The following COL13A1 variants were observed in gnomAD, a reference collection of about 807,000 sequenced individuals.
COL13A1 encodes the protein collagen type XIII alpha 1 chain.
A neutral mutation model predicts 130.9 loss-of-function variants in COL13A1; 89 were observed. That is an observed-to-expected ratio of 0.68 (90% CI 0.57 to 0.81). The LOEUF is 0.81. COL13A1 is among the 30% of genes least tolerant of loss of function. The pLI, the probability that COL13A1 is intolerant of heterozygous loss-of-function variation, is 0.00. For synonymous variants in COL13A1, 402 were observed against 341.6 expected, an observed-to-expected ratio of 1.18 and a Z score of -1.95; for missense variants, 879 against 934.6, an observed-to-expected ratio of 0.94 and a Z score of 0.78.
At chr10:69,889,987 T>G (rs1225901832) in intron 10 of COL13A1, among the ~76,000 whole-genome samples, 1 of 151,964 alleles carries the variant, frequency 6.6e-6, no homozygotes, top group Non-Finnish European at 1.5e-5. Flanking sequence ...TCCTGGGAGT[T>G]TCTGTTTGGA....
In COL13A1 at chr10:69,867,748, G is replaced by T. The variant is rs779789322; in HGVS notation, c.365-50G>T. ...CTGCTTCCAAGGCGGCCTCCCCACC[G>T]CCCCCTACAGCAATGACACTGACCC... On this transcript the variant is annotated intron_variant, in intron 2 of 40. Transcript: ENST00000645393. 7.0e-6 allele frequency: 5 copies of T among 716,454 alleles called. No individual in the cohort carries two copies. The African/African-American group carries it at 8.8e-5, about 13-fold the overall frequency. The allele number at this position is 716,454 out of a possible 1,614,324, so 44.4% of individuals were successfully genotyped here. A position where few individuals can be genotyped will look rare whatever the true frequency, so the allele number is the denominator to read the frequency against.
intron 40 of COL13A1, among the ~76,000 whole-genome samples, chr10:69,958,341 A>G (rs1320967720): frequency 6.6e-6 from 1 of 152,238 alleles, no homozygotes; most frequent in Non-Finnish European, 1.5e-5. Context: ...GCCACTACCA[A>G]GAGCTGCAAT....
chr10:69,892,923 T>C (rs1263606281), intron 10 of COL13A1, among the ~76,000 whole-genome samples: 1 of 152,210 alleles, frequency 6.6e-6, no homozygotes, highest in Non-Finnish European at 1.5e-5. Flanking sequence ...TCCAAGTCTC[T>C]GCAGTCCTGA....
chr10:69,822,355 G>C lies in COL13A1; in HGVS notation c.295-14G>C, dbSNP rs1236835936. On this transcript the variant is annotated splice_polypyrimidine_tract_variant and intron_variant, in intron 1 of 40. Transcript: ENST00000645393. ...GAGCTCCTGGTGACTCCTCTTGTCT[G>C]TCTCCTTGTACAGAAATGGAAGCTC... 3 of 1,569,190 alleles carry C rather than the reference G, an allele frequency of 1.9e-6. No homozygotes were observed. Among genetic ancestry groups the C allele is most frequent in the Non-Finnish European group, 2.6e-6 (3 of 1,157,580 alleles).
At chr10:69,888,459 C>A in intron 9 of COL13A1, 129 bp downstream of exon 9, 1 of 1,319,294 alleles carries the variant, frequency 7.6e-7, no homozygotes, top group Non-Finnish European at 1.1e-6. Flanking sequence ...AAGGTTGTCA[C>A]TAGTGGGAAG....
intron 1 of COL13A1, among the ~76,000 whole-genome samples, chr10:69,810,346 A>AAGAGAGAGAGAGAGAGAGAGAGAGAGAG (rs1564723791): frequency 2.2e-4 from 16 of 71,202 alleles, no homozygotes; most frequent in African/African-American, 9.3e-4. Context: ...GGCCCTGAGA[A>AAGAGAGAGAGAGAGAGAGAGAGAGAGAG]TGAGAGAGAG....
intron 10 of COL13A1, 37 bp downstream of exon 10, chr10:69,889,477 G>C (rs2060949404): frequency 6.2e-7 from 1 of 1,605,852 alleles, no homozygotes; most frequent in South Asian, 1.1e-5. Context: ...CGAGATGGGT[G>C]GGGGTTGGCC....
intron 9 of COL13A1, among the ~76,000 whole-genome samples, chr10:69,889,034 T>C (rs2060889332): frequency 6.6e-6 from 1 of 152,200 alleles, no homozygotes; most frequent in Non-Finnish European, 1.5e-5. Flanking sequence ...ACTCCCCAAC[T>C]GCAGGCCAGC....
At chr10:69,870,348 T>G (rs978110040) in intron 3 of COL13A1, among the ~76,000 whole-genome samples, 2 of 151,646 alleles carry the variant, frequency 1.3e-5, no homozygotes, top group Admixed American at 1.3e-4. Flanking sequence ...GGTCTCACTC[T>G]CTCACCCAGG....
intron 2 of COL13A1, among the ~76,000 whole-genome samples, chr10:69,866,298 G>A (rs1314163115): frequency 6.6e-6 from 1 of 152,196 alleles, no homozygotes; most frequent in Non-Finnish European, 1.5e-5. Context: ...TGTCACTGGG[G>A]GCATCACCAG....
At chr10:69,864,973 T>C (rs1054750847) in intron 2 of COL13A1, among the ~76,000 whole-genome samples, 6 of 152,212 alleles carry the variant, frequency 3.9e-5, no homozygotes, top group African/African-American at 1.4e-4. Context: ...AACAGGTTCC[T>C]CCTGAGGAAG....
rs543108306 is a variant in COL13A1 at position 69,864,328 on chromosome 10, A to C, written c.365-3470A>C. Among the ~76,000 whole-genome samples the C allele has an allele frequency of 5.3e-5, 8 of 152,284 alleles. No homozygotes were observed. In the East Asian group the frequency reaches 1.5e-3, roughly 29 times the overall value. Reference sequence around the variant, plus strand: ...CACTCAGTAAATGTCGATTGAATGAATGAAGGAATGAAAAAATGAATCCTC... The same window carrying C: ...CACTCAGTAAATGTCGATTGAATGACTGAAGGAATGAAAAAATGAATCCTC... On this transcript the variant is annotated intron_variant, in intron 2 of 40. Coordinates refer to ENST00000645393, the MANE Select transcript of COL13A1 (RefSeq NM_001368882.1).
intron 13 of COL13A1, among the ~76,000 whole-genome samples, chr10:69,895,929 T>C (rs1285916598): frequency 6.6e-6 from 1 of 152,140 alleles, no homozygotes; most frequent in Non-Finnish European, 1.5e-5. Context: ...GCAGCGTGAC[T>C]TGTGTGAGTC....
At chr10:69,814,824 G>T (rs1463940404) in intron 1 of COL13A1, among the ~76,000 whole-genome samples, 1 of 152,146 alleles carries the variant, frequency 6.6e-6, no homozygotes, top group Non-Finnish European at 1.5e-5. Context: ...CCAAAAGAAA[G>T]TCCCACTCCA....
chr10:69,865,979 C>T (rs2058476169), intron 2 of COL13A1, among the ~76,000 whole-genome samples: 1 of 152,218 alleles, frequency 6.6e-6, no homozygotes, highest in African/African-American at 2.4e-5. Flanking sequence ...AATGATAGAA[C>T]CTATTGCATA....
intron 2 of COL13A1, among the ~76,000 whole-genome samples, chr10:69,863,111 G>T (rs1858667969): frequency 6.6e-6 from 1 of 152,124 alleles, no homozygotes; most frequent in Non-Finnish European, 1.5e-5. Context: ...TCCAGCATGG[G>T]GTTTCTCATC....
intron 38 of COL13A1, among the ~76,000 whole-genome samples, chr10:69,949,269 G>A (rs2069011445): frequency 6.6e-6 from 1 of 152,134 alleles, no homozygotes. Flanking sequence ...TGCAAACTCC[G>A]CCTCCCGGGT....
intron 28 of COL13A1, among the ~76,000 whole-genome samples, chr10:69,929,483 G>A (rs888744525): frequency 1.3e-5 from 2 of 151,970 alleles, no homozygotes; most frequent in Non-Finnish European, 2.9e-5. Context: ...CATCTTTCAA[G>A]CCCAATTCAA....
Position 69,941,026 on chromosome 10 carries a change from G to A in COL13A1, c.1914+3G>A, listed in dbSNP as rs1327124397. On this transcript the variant is annotated splice_donor_region_variant and intron_variant, in intron 35 of 40. Transcript: ENST00000645393. ...TGGACGGCAGGCCTGGGCCACCGGT[G>A]AGTGTCACTTCTCCATCACCCCTCA... 1.2e-6 allele frequency: 2 copies of A among 1,613,746 alleles called. No homozygotes were observed. Among genetic ancestry groups the A allele is most frequent in the Admixed American group, 3.3e-5 (2 of 59,982 alleles).
Sources: gnomAD v4.1 joint callset for allele counts (sites outside exome capture counted in the v4.1 genomes callset) on GRCh38, gnomAD v4.1.1 for gene constraint, MANE v1.5 for transcripts, NCBI Gene and HGNC (gene_info 2026-07-23, HGNC 2026-07-21) for gene names.